PLXNC1: variants seen among roughly 807,000 people sequenced by gnomAD.
PLXNC1 encodes plexin-C1.
Under a neutral mutation model 178.2 loss-of-function variants are expected in PLXNC1, and 75 were observed. That is an observed-to-expected ratio of 0.42 (90% CI 0.35 to 0.51). PLXNC1 has a LOEUF of 0.51. Ranked by LOEUF, PLXNC1 falls within the 20% of genes least tolerant of loss-of-function variation. The pLI, the probability that PLXNC1 is intolerant of heterozygous loss-of-function variation, is 0.02. For missense variants in PLXNC1, 1,503 were observed against 1,984.4 expected, an observed-to-expected ratio of 0.76 and a Z score of 4.61; for synonymous variants, 790 against 779.9, an observed-to-expected ratio of 1.01 and a Z score of -0.22.
chr12:94,277,497 C>T (rs989083263), intron 21 of PLXNC1, among the ~76,000 whole-genome samples: 1 of 152,158 alleles, frequency 6.6e-6, no homozygotes, highest in Non-Finnish European at 1.5e-5. Flanking sequence ...AAGAACTGTG[C>T]GGTTACTGTT....
At chr12:94,160,877 T>C (rs528358539) in intron 1 of PLXNC1, among the ~76,000 whole-genome samples, 11 of 152,348 alleles carry the variant, frequency 7.2e-5, no homozygotes, top group Admixed American at 4.6e-4. Context: ...ACACATTCAA[T>C]AGCAAGATAT....
chr12:94,225,748 T>G (rs1963919559), intron 7 of PLXNC1, among the ~76,000 whole-genome samples: 1 of 152,118 alleles, frequency 6.6e-6, no homozygotes, highest in South Asian at 2.1e-4. Context: ...AGGAAAGCAC[T>G]TAGTACAGTA....
At chr12:94,290,651 G>A (rs768015901) in intron 23 of PLXNC1, among the ~76,000 whole-genome samples, 3 of 152,264 alleles carry the variant, frequency 2.0e-5, no homozygotes, top group Non-Finnish European at 4.4e-5. Flanking sequence ...CCCTGTGGGT[G>A]TAACCTGAAG....
Position 94,237,645 on chromosome 12 carries a change from A to C in PLXNC1, c.1981-19A>C. 2 of 1,607,762 alleles carry C rather than the reference A, an allele frequency of 1.2e-6. No individual in the cohort carries two copies. The highest frequency in any genetic ancestry group is 2.7e-5 in the African/African-American group (2 of 74,778). ...TTTCTTAGCTTTGATCTCCTGTTTT[A>C]ATCTTTTCTTTCCAATAGGTCTTCT... On this transcript the variant is annotated intron_variant, in intron 9 of 30. Coordinates refer to ENST00000258526, the MANE Select transcript of PLXNC1 (RefSeq NM_005761.3).
intron 2 of PLXNC1, among the ~76,000 whole-genome samples, chr12:94,172,204 G>A (rs200611405): frequency 2.6e-5 from 4 of 152,164 alleles, no homozygotes; most frequent in Admixed American, 2.0e-4. Context: ...TCAACCCAAC[G>A]CAGACAGTAG....
chr12:94,302,962 C>T (rs560137111), intron 28 of PLXNC1, among the ~76,000 whole-genome samples: 26 of 152,302 alleles, frequency 1.7e-4, no homozygotes, highest in Non-Finnish European at 2.6e-4. Flanking sequence ...AATAATATCT[C>T]AGTCTCTAGG....
chr12:94,248,364 A>C lies in PLXNC1; in HGVS notation c.2730A>C (p.Lys910Asn). ...QDLTTILCKI[K>N]GIKTASTIAN... ...TTACCACCATCCTTTGCAAAATTAA[A>C]GGCATCAAGACTGCAAGCACCATTG... The change falls in exon 14 of 31, where the codon AAA becomes AAC. Residue 910 changes from lysine to asparagine, a missense_variant. Around this residue, in one of 4 missense-constraint regions of PLXNC1, gnomAD observed 639 missense variants for 979.7 expected, o/e 0.65. Coordinates refer to ENST00000258526, the MANE Select transcript of PLXNC1 (RefSeq NM_005761.3). 6.2e-7 allele frequency: 1 copy of C among 1,613,174 alleles called. No individual in the cohort carries two copies.
chr12:94,164,516 G>A (rs1162640187), intron 1 of PLXNC1, among the ~76,000 whole-genome samples: 2 of 152,158 alleles, frequency 1.3e-5, no homozygotes, highest in Non-Finnish European at 2.9e-5. Context: ...TCTAGAGGGT[G>A]CCTTTCACAC....
At chr12:94,292,241 A>C (rs540629619) in intron 23 of PLXNC1, among the ~76,000 whole-genome samples, 2 of 152,332 alleles carry the variant, frequency 1.3e-5, no homozygotes, top group South Asian at 4.1e-4. Context: ...AACAGGCAAA[A>C]TTCATAAATG....
At position 94,306,323 on chromosome 12, in the gene PLXNC1, TATTAGTATACAA is replaced by T. The variant is rs1176186479; in HGVS notation, c.*1039_*1050del. On this transcript the variant is annotated 3_prime_UTR_variant, in exon 31 of 31. Coordinates refer to ENST00000258526, the MANE Select transcript of PLXNC1 (RefSeq NM_005761.3). ...TATTTGAGGCCCAAGGCCTGAAAAA[TATTAGTATACAA>T]CTTGGTATCTTAGTCTTACTATGTA... 6.6e-6 allele frequency: 1 copy of T among 152,104 alleles called. No individual in the cohort carries two copies. 9.4% of individuals were successfully genotyped at this position (152,104 alleles called of 1,614,324 possible).
At chr12:94,163,571 G>A (rs1961475494) in intron 1 of PLXNC1, among the ~76,000 whole-genome samples, 1 of 152,106 alleles carries the variant, frequency 6.6e-6, no homozygotes, top group Non-Finnish European at 1.5e-5. Context: ...CTTTGCTGGT[G>A]GGTTGGCCTG....
chr12:94,202,564 A>AGGT (rs1231137485), intron 4 of PLXNC1, among the ~76,000 whole-genome samples: 1 of 152,222 alleles, frequency 6.6e-6, no homozygotes, highest in African/African-American at 2.4e-5. Flanking sequence ...GTCTGAGCAA[A>AGGT]CATCATAGAG....
chr12:94,288,567 C>A (rs1243581899), intron 23 of PLXNC1, among the ~76,000 whole-genome samples: 1 of 152,232 alleles, frequency 6.6e-6, no homozygotes, highest in African/African-American at 2.4e-5. Context: ...AAGCCCTCCC[C>A]TGGATGTCCA....
intron 4 of PLXNC1, among the ~76,000 whole-genome samples, chr12:94,191,020 C>T (rs972232232): frequency 1.3e-5 from 2 of 152,226 alleles, no homozygotes; most frequent in Non-Finnish European, 2.9e-5. Context: ...TTAGGAATGA[C>T]CTTACTTCTC....
At chr12:94,178,928 T>C (rs958443856) in intron 2 of PLXNC1, among the ~76,000 whole-genome samples, 5 of 152,178 alleles carry the variant, frequency 3.3e-5, no homozygotes, top group Non-Finnish European at 2.9e-5. Flanking sequence ...TCATATTTCA[T>C]ATGTTTGGTT....
chr12:94,284,683 C>G (rs538382501), intron 23 of PLXNC1, among the ~76,000 whole-genome samples: 1 of 152,054 alleles, frequency 6.6e-6, no homozygotes, highest in South Asian at 2.1e-4. Flanking sequence ...GTGGCAGGGC[C>G]AGATTCGGAC....
intron 23 of PLXNC1, among the ~76,000 whole-genome samples, chr12:94,287,114 G>A (rs1966853479): frequency 6.6e-6 from 1 of 152,208 alleles, no homozygotes; most frequent in African/African-American, 2.4e-5. Context: ...TGGGAGGCAG[G>A]TGCTTTCCTT....
Position 94,254,678 on chromosome 12 carries a change from T to A in PLXNC1, c.2882-109T>A, listed in dbSNP as rs1964790374. On this transcript the variant is annotated intron_variant, in intron 15 of 30. Transcript: ENST00000258526. ...TTCTAGCTCCTGCTCTCTGTCCCTA[T>A]CTGTTTTGTTTTTGTTTTTGTTTTT... The A allele has an allele frequency of 1.1e-5, 8 of 732,196 alleles. No homozygotes were observed. The South Asian group carries it at 1.3e-4, about 12-fold the overall frequency. 45.4% of individuals were successfully genotyped at this position (732,196 alleles called of 1,614,324 possible).
chr12:94,237,723 G>C lies in PLXNC1; in HGVS notation c.2040G>C (p.Val680=). 6.2e-7 allele frequency: 1 copy of C among 1,613,916 alleles called. No individual in the cohort carries two copies. Among genetic ancestry groups the C allele is most frequent in the Non-Finnish European group, 8.5e-7 (1 of 1,179,836 alleles). The change falls in exon 10 of 31, where the codon GTG becomes GTC. Residue 680 remains valine, a synonymous_variant. Transcript: ENST00000258526. ...TATCGACATTAGGGAAAAGCAACGT[G>C]ATAGTAACGGGAGCAAACTTTACCC... ...QKVSTLGKSN[V]IVTGANFTRA... is the part of the protein sequence containing the mutation.
Sources: allele counts gnomAD v4.1 joint callset (sites outside exome capture counted in the v4.1 genomes callset), GRCh38; gene constraint gnomAD v4.1.1; regional missense constraint gnomAD v4.1.1; transcripts MANE v1.5; gene names NCBI Gene and HGNC (gene_info 2026-07-23, HGNC 2026-07-21).